The following PRKAR1B variants were observed in gnomAD, a reference collection of about 807,000 sequenced individuals.
PRKAR1B encodes protein kinase cAMP-dependent type I regulatory subunit beta.
A neutral mutation model predicts 46.5 loss-of-function variants in PRKAR1B; 22 were observed. The ratio of observed to expected loss-of-function variants is 0.47; its 90% CI spans 0.34 to 0.68. The LOEUF is 0.68. PRKAR1B is among the 30% of genes least tolerant of loss of function. The pLI is 0.01. For synonymous variants in PRKAR1B, 259 were observed against 217.7 expected (o/e 1.19, Z -1.67); for missense variants, 445 against 535.6 (o/e 0.83, Z 1.67).
At chr7:702,496 AGG>A (rs1382360583) in intron 2 of PRKAR1B, among the ~76,000 whole-genome samples, 1 of 152,194 alleles carries the variant, frequency 6.6e-6, no homozygotes, top group Non-Finnish European at 1.5e-5. Context: ...AGATTTGCAA[AGG>A]GAAACCAGAC....
At chr7:550,646 G>C in intron 10 of PRKAR1B, 44 bp from the exon 11 acceptor site, 2 of 1,475,174 alleles carry the variant, frequency 1.4e-6, no homozygotes, top group Non-Finnish European at 1.8e-6. Flanking sequence ...TGGGGGTCCT[G>C]AGGCTGCAGC....
At chr7:607,718 G>A (rs879151793) in intron 4 of PRKAR1B, 3 of 385,614 alleles carry the variant, frequency 7.8e-6, no homozygotes, top group South Asian at 3.3e-5. Context: ...TACAAAAATG[G>A]GGTCATGCCA....
chr7:623,332 AAACAT>A (rs1187068956), intron 4 of PRKAR1B, among the ~76,000 whole-genome samples: 4 of 152,212 alleles, frequency 2.6e-5, no homozygotes, highest in African/African-American at 9.7e-5. Context: ...TCCTAACCAC[AAACAT>A]GTGGTAACAA....
chr7:596,298 C>A lies in PRKAR1B; in HGVS notation c.556G>T (p.Val186Leu), dbSNP rs369261319. 34 of 1,611,890 alleles carry A rather than the reference C, an allele frequency of 2.1e-5. No individual in the cohort carries two copies. Among genetic ancestry groups the A allele is most frequent in the Non-Finnish European group, 2.9e-5 (34 of 1,178,752 alleles). The change falls in exon 7 of 11, where the codon GTG becomes TTG. Residue 186 changes from valine to leucine, a missense_variant. Transcript: ENST00000537384. ...ATGTTGGTCACCCACTCTCCGTTCA[C>A]GTACACCTTTGGGGAGCAAGAGAGA... The part of the protein sequence containing the change: ...VVDQGEVDVY[V>L]NGEWVTNISE...
In PRKAR1B at chr7:583,081, C is replaced by T. The variant is rs945447403; in HGVS notation, c.769+1427G>A. On this transcript the variant is annotated intron_variant, in intron 8 of 10. Coordinates refer to ENST00000537384, the MANE Select transcript of PRKAR1B (RefSeq NM_001164760.2). ...GCCGGGAGGGCAGGGGGGGTGACGG[C>T]TCACAGGGACGGGGCTCTGTCTCGG... 2.5e-4 allele frequency among the ~76,000 whole-genome samples: 38 copies of T among 151,996 alleles called. No individual in the cohort carries two copies. In the East Asian group the frequency reaches 7.4e-3, roughly 30 times the overall value.
At chr7:687,133 A>AGCCTC (rs1376092090) in intron 2 of PRKAR1B, among the ~76,000 whole-genome samples, 3 of 152,200 alleles carry the variant, frequency 2.0e-5, no homozygotes, top group Non-Finnish European at 4.4e-5. Context: ...GGAATATATC[A>AGCCTC]GCCTCAAATT....
rs1458897873 is a variant in PRKAR1B, at chr7:602,389, G to A, written c.549+3804C>T. On this transcript the variant is annotated intron_variant, in intron 6 of 10. Transcript: ENST00000537384. The surrounding 1 kb of genome is among the most constrained non-coding windows in gnomAD (Gnocchi z 6.4). ...GGGGATTCTGCGAGGATGAGGAGGAGGAGGAGGAGGTCCCGCCAAGGTCAG... is the reference window on the plus strand; with the variant it reads ...GGGGATTCTGCGAGGATGAGGAGGAAGAGGAGGAGGTCCCGCCAAGGTCAG... Among the ~76,000 whole-genome samples, 3 of 152,200 alleles carry A rather than the reference G, an allele frequency of 2.0e-5. No homozygotes were observed. Among genetic ancestry groups the A allele is most frequent in the Admixed American group, 2.0e-4 (3 of 15,288 alleles).
rs1053706766 is a variant in PRKAR1B at position 607,303 on chromosome 7, C to G, written c.502+88G>C. 6.1e-6 allele frequency: 8 copies of G among 1,319,770 alleles called. 1 individual carries two copies. The South Asian group carries it at 7.6e-5, about 12-fold the overall frequency. 81.8% of individuals were successfully genotyped at this position (1,319,770 alleles called of 1,614,324 possible). On this transcript the variant is annotated intron_variant, in intron 5 of 10. Transcript: ENST00000537384. ...TGCTGGGATTACAGGCGTGGGCCAT[C>G]GTGCCTGCCCTTATGCTATTTTTTT... is the stretch of plus-strand genomic sequence containing the variant.
chr7:582,935 T>G (rs972327068), intron 8 of PRKAR1B, among the ~76,000 whole-genome samples: 18 of 152,182 alleles, frequency 1.2e-4, no homozygotes, highest in African/African-American at 4.3e-4. Flanking sequence ...AAGTATGACA[T>G]TTTCAAAATG....
rs146099203 is a variant in PRKAR1B at position 583,616 on chromosome 7, G to A, written c.769+892C>T. ...CAGGTGCACACACACCCCCTCACACGTGCACACTCAAACCCCCACACTCAC... is the reference window on the plus strand; with the variant it reads ...CAGGTGCACACACACCCCCTCACACATGCACACTCAAACCCCCACACTCAC... On this transcript the variant is annotated intron_variant, in intron 8 of 10. Transcript: ENST00000537384. Among the ~76,000 whole-genome samples, 210 of 58,046 alleles carry A rather than the reference G, an allele frequency of 3.6e-3. 2 individuals carry two copies. The highest frequency in any genetic ancestry group is 0.016 in the African/African-American group (193 of 11,806). The allele number at this position is 58,046 out of a possible 152,430, so 38.1% of individuals were successfully genotyped here.
chr7:574,724 G>A (rs1457576407), intron 9 of PRKAR1B, among the ~76,000 whole-genome samples: 8 of 152,324 alleles, frequency 5.3e-5, no homozygotes, highest in East Asian at 1.9e-4. Context: ...GATTATAGGC[G>A]TGAGCCACCA....
At chr7:622,825 ACTT>A (rs1562569065) in intron 4 of PRKAR1B, among the ~76,000 whole-genome samples, 2 of 152,206 alleles carry the variant, frequency 1.3e-5, no homozygotes, top group South Asian at 2.1e-4. Flanking sequence ...TGTTTTTCTG[ACTT>A]CTTATGTTTT....
At chr7:581,349 G>A (rs1780177040) in intron 8 of PRKAR1B, among the ~76,000 whole-genome samples, 1 of 149,564 alleles carries the variant, frequency 6.7e-6, no homozygotes, top group Non-Finnish European at 1.5e-5. Context: ...AGAAGCTGCT[G>A]AATAATTCAG....
chr7:707,069 C>G (rs4439025), intron 2 of PRKAR1B, among the ~76,000 whole-genome samples: 24 of 151,536 alleles, frequency 1.6e-4, no homozygotes, highest in African/African-American at 5.6e-4. Flanking sequence ...TGGTCCAGAA[C>G]ACGCAGCAGG....
intron 4 of PRKAR1B, among the ~76,000 whole-genome samples, chr7:673,759 G>T (rs1786422029): frequency 6.6e-6 from 1 of 152,164 alleles, no homozygotes; most frequent in Non-Finnish European, 1.5e-5. Flanking sequence ...GCCGCTGTGA[G>T]CAAGTACAGC....
At position 667,431 on chromosome 7, in the gene PRKAR1B, T is replaced by C. The variant is rs1441526009; in HGVS notation, c.440+9798A>G. Among the ~76,000 whole-genome samples the C allele has an allele frequency of 6.6e-6, 1 of 152,188 alleles. No individual in the cohort carries two copies. The highest frequency in any genetic ancestry group is 2.4e-5 in the African/African-American group (1 of 41,434). ...TAAACACACCTTAAATTCTGTGGTA[T>C]CTGAGTGAGATTGTGTGTGCATGAC... On this transcript the variant is annotated intron_variant, in intron 4 of 10. Coordinates refer to ENST00000537384, the MANE Select transcript of PRKAR1B (RefSeq NM_001164760.2). The surrounding 1 kb of genome is among the most constrained non-coding windows in gnomAD (Gnocchi z 4.3).
intron 9 of PRKAR1B, among the ~76,000 whole-genome samples, chr7:556,048 T>C (rs1205695523): frequency 6.6e-6 from 1 of 152,114 alleles, no homozygotes; most frequent in Non-Finnish European, 1.5e-5. Context: ...CTCTTGCATA[T>C]GCCCCGGGAG....
intron 4 of PRKAR1B, chr7:608,528 C>G (rs1021120577): frequency 6.6e-6 from 1 of 152,430 alleles, no homozygotes; most frequent in East Asian, 1.9e-4. Flanking sequence ...TTTTTTGAGT[C>G]CTTGTTCCCA....
rs538399803 is a variant in PRKAR1B, at chr7:644,854, G to A, written c.440+32375C>T. On this transcript the variant is annotated intron_variant, in intron 4 of 10. Transcript: ENST00000537384. The surrounding 1 kb of genome is among the most constrained non-coding windows in gnomAD (Gnocchi z 4.9). ...GCAGTGCCGTCGGCCAAAGGGTCCC[G>A]TGTGCTGCAGAGCTGAGTCCTGGGC... 3.3e-5 allele frequency among the ~76,000 whole-genome samples: 5 copies of A among 152,280 alleles called. No homozygotes were observed. Among genetic ancestry groups the A allele is most frequent in the Non-Finnish European group, 5.9e-5 (4 of 68,018 alleles).
Sources: allele counts gnomAD v4.1 joint callset (sites outside exome capture counted in the v4.1 genomes callset), GRCh38; gene constraint gnomAD v4.1.1; non-coding constraint Gnocchi (gnomAD v3.1); transcripts MANE v1.5; gene names NCBI Gene and HGNC (gene_info 2026-07-23, HGNC 2026-07-21).